Variants in ATP6V1A observed in about 807,000 individuals in gnomAD.
ATP6V1A encodes the protein V-type proton ATPase catalytic subunit A.
A neutral mutation model predicts 70.1 loss-of-function variants in ATP6V1A; 18 were observed. That is an observed-to-expected ratio of 0.26 (90% CI 0.18 to 0.38). The LOEUF is 0.38. Ranked by LOEUF, ATP6V1A falls within the 10% of genes least tolerant of loss-of-function variation. The pLI is 1.00. For synonymous variants in ATP6V1A, 232 were observed against 253.8 expected (o/e 0.91, Z 0.82); for missense variants, 424 against 772.4 (o/e 0.55, Z 5.35).
chr3:113,776,232 G>A (rs1386866009), intron 1 of ATP6V1A, among the ~76,000 whole-genome samples: 1 of 151,742 alleles, frequency 6.6e-6, no homozygotes, highest in East Asian at 1.9e-4. Context: ...GGTGTCGTGT[G>A]CTTGTCATGC....
chr3:113,748,104 A>G (rs746562840), intron 1 of ATP6V1A, among the ~76,000 whole-genome samples: 30 of 152,296 alleles, frequency 2.0e-4, no homozygotes, highest in Admixed American at 4.6e-4. Context: ...ATTTAGGTTA[A>G]GTAGCATTTG....
chr3:113,784,127 C>T, intron 3 of ATP6V1A, 97 bp from the exon 4 acceptor site: 2 of 1,193,924 alleles, frequency 1.7e-6, no homozygotes, highest in Non-Finnish European at 2.4e-6. Flanking sequence ...CTTCCGTTTT[C>T]ACTTCTTGAG....
chr3:113,792,634 C>T (rs945769546), intron 8 of ATP6V1A, among the ~76,000 whole-genome samples: 6 of 152,196 alleles, frequency 3.9e-5, no homozygotes, highest in Admixed American at 3.3e-4. Context: ...CCATGCTTGG[C>T]CTCTTTGTAC....
At chr3:113,795,245 C>A in intron 10 of ATP6V1A, 41 bp downstream of exon 10, 2 of 1,587,802 alleles carry the variant, frequency 1.3e-6, no homozygotes, top group South Asian at 2.3e-5. Context: ...GGAAAAAAGT[C>A]ACAGATGTAT....
At chr3:113,766,485 A>G (rs970755364) in intron 1 of ATP6V1A, among the ~76,000 whole-genome samples, 10 of 152,030 alleles carry the variant, frequency 6.6e-5, no homozygotes, top group African/African-American at 1.7e-4. Flanking sequence ...TGTAGGGACA[A>G]GGTCTCACTA....
chr3:113,749,961 A>G (rs530600967), intron 1 of ATP6V1A, among the ~76,000 whole-genome samples: 20 of 152,208 alleles, frequency 1.3e-4, no homozygotes, highest in Non-Finnish European at 2.4e-4. Context: ...TTTGTTTACT[A>G]ATAAGTATGG....
intron 1 of ATP6V1A, among the ~76,000 whole-genome samples, chr3:113,755,315 A>G (rs535361630): frequency 6.6e-6 from 1 of 150,654 alleles, no homozygotes; most frequent in South Asian, 2.1e-4. Context: ...CCGTATATAT[A>G]TTTGCCAGCT....
chr3:113,767,656 C>G lies in ATP6V1A; in HGVS notation c.-13-11085C>G, dbSNP rs562380670. Reference sequence around the variant, plus strand: ...TGTAAAAATTTGAAGGGAAAGGAATCTACTTTTTTTTTTTAGTTGGAGTCT... The same window carrying G: ...TGTAAAAATTTGAAGGGAAAGGAATGTACTTTTTTTTTTTAGTTGGAGTCT... On this transcript the variant is annotated intron_variant, in intron 1 of 14. Coordinates refer to ENST00000273398, the MANE Select transcript of ATP6V1A (RefSeq NM_001690.4). Among the ~76,000 whole-genome samples, 19 of 151,690 alleles carry G rather than the reference C, an allele frequency of 1.3e-4. No individual in the cohort carries two copies. The South Asian group carries it at 2.1e-3, about 17-fold the overall frequency.
At chr3:113,791,700 C>G (rs1709093813) in intron 8 of ATP6V1A, among the ~76,000 whole-genome samples, 1 of 152,108 alleles carries the variant, frequency 6.6e-6, no homozygotes, top group Non-Finnish European at 1.5e-5. Flanking sequence ...AGACCATTCA[C>G]AGTGAATTCT....
At chr3:113,794,747 C>G in intron 8 of ATP6V1A, 125 bp from the exon 9 acceptor site, 1 of 1,117,768 alleles carries the variant, frequency 8.9e-7, no homozygotes, top group South Asian at 1.6e-5. Context: ...GGAAGAGCAG[C>G]TTTGAGGGAG....
chr3:113,791,873 T>C (rs1180578910), intron 8 of ATP6V1A, among the ~76,000 whole-genome samples: 1 of 68,964 alleles, frequency 1.5e-5, no homozygotes, highest in Non-Finnish European at 3.6e-5. Flanking sequence ...AAAGCACTCT[T>C]GCTTTGTTTG....
chr3:113,804,286 C>T (rs1709251496), intron 13 of ATP6V1A, among the ~76,000 whole-genome samples: 1 of 152,108 alleles, frequency 6.6e-6, no homozygotes, highest in Non-Finnish European at 1.5e-5. Context: ...GCCAACACGC[C>T]TGTCTTCTTT....
At chr3:113,775,229 CTT>C (rs200572945) in intron 1 of ATP6V1A, among the ~76,000 whole-genome samples, 27 of 137,778 alleles carry the variant, frequency 2.0e-4, no homozygotes, top group East Asian at 2.1e-4. Context: ...TCACAAGGAA[CTT>C]TTTTTTTTTT....
intron 5 of ATP6V1A, among the ~76,000 whole-genome samples, chr3:113,785,512 T>C (rs913454785): frequency 1.7e-4 from 25 of 144,858 alleles, no homozygotes; most frequent in African/African-American, 5.0e-4. Flanking sequence ...TTTTCTTTTT[T>C]TTTTTTTTTT....
At position 113,794,769 on chromosome 3, in the gene ATP6V1A, C is replaced by T. The variant is rs539867070; in HGVS notation, c.989-103C>T. 34 of 1,347,726 alleles carry T rather than the reference C, an allele frequency of 2.5e-5. No homozygotes were observed. In the African/African-American group the frequency reaches 4.5e-4, roughly 18 times the overall value. The allele number at this position is 1,347,726 out of a possible 1,614,324, so 83.5% of individuals were successfully genotyped here. On this transcript the variant is annotated intron_variant, in intron 8 of 14. Coordinates refer to ENST00000273398, the MANE Select transcript of ATP6V1A (RefSeq NM_001690.4). ...CAGCTTTGAGGGAGCCACTAGCAGT[C>T]TACGTTGTGTACTTATTGCTTTAAG...
intron 6 of ATP6V1A, 82 bp downstream of exon 6, chr3:113,786,465 C>T: frequency 1.4e-6 from 2 of 1,423,806 alleles, no homozygotes; most frequent in Non-Finnish European, 1.9e-6. Context: ...AGATAAAGGG[C>T]TTATGTGTTT....
In ATP6V1A at chr3:113,784,773, AC is replaced by A; in HGVS notation, c.509del (p.Pro170HisfsTer7). ...NSLIKHKIML[P>X]PRNRGTVTYI... The stretch of plus-strand genomic sequence containing the variant: ...CGCTTATCAAACACAAAATCATGTT[AC>A]CCCCACGAAACAGAGGAACTGTAAC... On this transcript the variant is annotated frameshift_variant, in exon 5 of 15. Transcript: ENST00000273398. LOFTEE classifies it high-confidence loss of function. The A allele has an allele frequency of 6.2e-7, 1 of 1,614,042 alleles. No homozygotes were observed. The highest frequency in any genetic ancestry group is 8.5e-7 in the Non-Finnish European group (1 of 1,179,956).
intron 1 of ATP6V1A, among the ~76,000 whole-genome samples, chr3:113,777,066 G>A (rs1708922465): frequency 6.6e-6 from 1 of 152,120 alleles, no homozygotes; most frequent in Non-Finnish European, 1.5e-5. Flanking sequence ...ACATTATTTA[G>A]CTTTTCATGT....
Position 113,795,160 on chromosome 3 carries a change from T to C in ATP6V1A, c.1182T>C (p.Cys394=). ...ATGAACGAGCAGGCAGGGTGAAATG[T>C]CTTGGAAATCCTGAAAGAGAAGGGA... ...SFYERAGRVK[C]LGNPEREGSV... The change falls in exon 10 of 15, where the codon TGT becomes TGC. Residue 394 remains cysteine (C), a synonymous_variant. Transcript: ENST00000273398. 1 of 1,614,154 alleles carries C rather than the reference T, an allele frequency of 6.2e-7. No homozygotes were observed.
Sources: allele counts gnomAD v4.1 joint callset (sites outside exome capture counted in the v4.1 genomes callset), GRCh38; gene constraint gnomAD v4.1.1; transcripts MANE v1.5; gene names NCBI Gene and HGNC (gene_info 2026-07-23, HGNC 2026-07-21).